Variants in SEMA6A observed in about 807,000 individuals in gnomAD.
SEMA6A encodes semaphorin 6A.
In SEMA6A, 25 loss-of-function variants were observed where a neutral mutation model predicts 96.8. The ratio of observed to expected loss-of-function variants is 0.26; its 90% CI spans 0.19 to 0.36. The LOEUF (loss-of-function observed/expected upper bound fraction) is 0.36, where lower values mean the gene tolerates loss of function less well. Among genes scored for constraint, SEMA6A ranks in the 10% least tolerant of loss-of-function variants. The pLI is 1.00. For synonymous variants in SEMA6A, 612 were observed against 518.0 expected, an observed-to-expected ratio of 1.18 and a Z score of -2.46; for missense variants, 1,363 against 1,323.1, an observed-to-expected ratio of 1.03 and a Z score of -0.47.
At chr5:116,518,329 A>G (rs1561512247) in intron 1 of SEMA6A, among the ~76,000 whole-genome samples, 1 of 152,234 alleles carries the variant, frequency 6.6e-6, no homozygotes, top group Non-Finnish European at 1.5e-5. Flanking sequence ...AATGGTTAAT[A>G]TCAGATAACT....
At chr5:116,478,927 AGAGTGTGT>A (rs1389483626) in intron 12 of SEMA6A, among the ~76,000 whole-genome samples, 2 of 90,102 alleles carry the variant, frequency 2.2e-5, no homozygotes, top group East Asian at 2.5e-4. Flanking sequence ...GAGGTGTGAG[AGAGTGTGT>A]GTGTGTGTGT....
At chr5:116,515,320 A>G (rs1182685294) in intron 1 of SEMA6A, among the ~76,000 whole-genome samples, 1 of 152,032 alleles carries the variant, frequency 6.6e-6, no homozygotes, top group Non-Finnish European at 1.5e-5. Flanking sequence ...TCTGATTACT[A>G]TTTTTTCTAA....
chr5:116,539,742 G>A (rs1217384634), intron 1 of SEMA6A, among the ~76,000 whole-genome samples: 1 of 152,012 alleles, frequency 6.6e-6, no homozygotes, highest in African/African-American at 2.4e-5. Context: ...TTCCATCAGT[G>A]GTGGAAATTA....
intron 17 of SEMA6A, among the ~76,000 whole-genome samples, chr5:116,470,409 A>G (rs892650763): frequency 8.5e-5 from 13 of 152,218 alleles, no homozygotes; most frequent in African/African-American, 2.7e-4. Context: ...CTTTTAATCA[A>G]TGGAGCTTAT....
chr5:116,519,422 A>G (rs1356291268), intron 1 of SEMA6A, among the ~76,000 whole-genome samples: 1 of 152,204 alleles, frequency 6.6e-6, no homozygotes, highest in African/African-American at 2.4e-5. Context: ...CATTGAAAGG[A>G]TGTTCCTTTG....
Position 116,461,220 on chromosome 5 carries a change from CA to C in SEMA6A, c.1894+6362del, listed in dbSNP as rs1338165145. ...TTCAAAAGAGTTTTTGGAACCGTCACAATCAATTCACTATCTCTTCGCGTTC... is the reference window on the plus strand; with the variant it reads ...TTCAAAAGAGTTTTTGGAACCGTCACATCAATTCACTATCTCTTCGCGTTC... On this transcript the variant is annotated intron_variant, in intron 18 of 18. Coordinates refer to ENST00000343348, the MANE Select transcript of SEMA6A (RefSeq NM_020796.5). Among the ~76,000 whole-genome samples, 167 of 152,216 alleles carry C rather than the reference CA, an allele frequency of 1.1e-3. 1 individual carries two copies. Among genetic ancestry groups the C allele is most frequent in the Admixed American group, 4.6e-4 (7 of 15,286 alleles).
chr5:116,486,458 G>A (rs1354880746), intron 10 of SEMA6A, among the ~76,000 whole-genome samples: 1 of 151,922 alleles, frequency 6.6e-6, no homozygotes, highest in Non-Finnish European at 1.5e-5. Flanking sequence ...CTAGTTTCTA[G>A]GATTACTAGA....
intron 13 of SEMA6A, 101 bp from the exon 14 acceptor site, chr5:116,478,255 C>CT: frequency 7.2e-7 from 1 of 1,390,600 alleles, no homozygotes; most frequent in Non-Finnish European, 9.8e-7. Flanking sequence ...ATCTCTTAAT[C>CT]TAACTGGCGG....
Position 116,497,406 on chromosome 5 carries a change from T to G in SEMA6A, c.219-19A>C, listed in dbSNP as rs1757652693. 1 of 1,480,686 alleles carries G rather than the reference T, an allele frequency of 6.8e-7. No homozygotes were observed. Among genetic ancestry groups the G allele is most frequent in the Middle Eastern group, 1.7e-4 (1 of 5,828 alleles). 91.7% of individuals were successfully genotyped at this position (1,480,686 alleles called of 1,614,324 possible). On this transcript the variant is annotated intron_variant, in intron 3 of 18. Coordinates refer to ENST00000343348, the MANE Select transcript of SEMA6A (RefSeq NM_020796.5). Reference sequence around the variant, plus strand: ...ATGGTCCCTATAGGCAAAGAAAAATTAATACAAGGTCAAACACAGAGTCAA... The same window carrying G: ...ATGGTCCCTATAGGCAAAGAAAAATGAATACAAGGTCAAACACAGAGTCAA...
chr5:116,458,139 GTC>G (rs1210810937), intron 18 of SEMA6A, among the ~76,000 whole-genome samples: 3 of 152,128 alleles, frequency 2.0e-5, no homozygotes, highest in African/African-American at 7.2e-5. Context: ...AGAAAGAAAG[GTC>G]TGAGACAAAG....
At chr5:116,541,423 G>A (rs1759959124) in intron 1 of SEMA6A, among the ~76,000 whole-genome samples, 2 of 151,450 alleles carry the variant, frequency 1.3e-5, no homozygotes, top group Admixed American at 1.3e-4. Context: ...ATACTAACAT[G>A]ACATAATAAA....
intron 12 of SEMA6A, among the ~76,000 whole-genome samples, chr5:116,479,547 G>A (rs941113675): frequency 2.0e-5 from 3 of 152,208 alleles, no homozygotes; most frequent in African/African-American, 7.2e-5. Context: ...TGGTACTTGG[G>A]AAAGCCTGTT....
chr5:116,523,897 C>G (rs766503552), intron 1 of SEMA6A, among the ~76,000 whole-genome samples: 10 of 152,186 alleles, frequency 6.6e-5, no homozygotes, highest in Admixed American at 3.3e-4. Flanking sequence ...CATTTCAATG[C>G]CTTCAGCCAC....
chr5:116,567,113 GCTC>G (rs1159260736), intron 1 of SEMA6A, among the ~76,000 whole-genome samples: 1 of 151,896 alleles, frequency 6.6e-6, no homozygotes, highest in Non-Finnish European at 1.5e-5. Flanking sequence ...TATCCCTTGG[GCTC>G]CTATTTGATA....
intron 18 of SEMA6A, among the ~76,000 whole-genome samples, chr5:116,454,362 T>G (rs1470850931): frequency 2.0e-5 from 3 of 152,176 alleles, no homozygotes; most frequent in African/African-American, 7.2e-5. Flanking sequence ...TACAATTTCC[T>G]TGAAATCCTC....
At position 116,444,576 on chromosome 5, in the gene SEMA6A, A is replaced by G. The variant is rs1486449207; in HGVS notation, c.*2037T>C. ...TCCTTTGTTCATGATAGAGTAAACA[A>G]AAGTCCCTTTTGTGTGCTTGAGCAA... On this transcript the variant is annotated 3_prime_UTR_variant, in exon 19 of 19. Transcript: ENST00000343348. 3.3e-5 allele frequency: 5 copies of G among 152,686 alleles called. No individual in the cohort carries two copies. The highest frequency in any genetic ancestry group is 7.3e-5 in the Non-Finnish European group (5 of 68,050). The allele number at this position is 152,686 out of a possible 1,614,324, so 9.5% of individuals were successfully genotyped here. A position where few individuals can be genotyped will look rare whatever the true frequency, so the allele number is the denominator to read the frequency against.
At chr5:116,490,518 A>C (rs1414828764) in intron 7 of SEMA6A, among the ~76,000 whole-genome samples, 1 of 152,188 alleles carries the variant, frequency 6.6e-6, no homozygotes, top group Non-Finnish European at 1.5e-5. Context: ...GAGTATGCTC[A>C]AGTACTCTTT....
At chr5:116,519,689 A>G (rs1021935653) in intron 1 of SEMA6A, among the ~76,000 whole-genome samples, 3 of 148,934 alleles carry the variant, frequency 2.0e-5, no homozygotes, top group East Asian at 1.9e-4. Context: ...ACACACACAC[A>G]CACGCACACA....
intron 1 of SEMA6A, among the ~76,000 whole-genome samples, chr5:116,566,387 A>G (rs1481320697): frequency 6.6e-6 from 1 of 152,230 alleles, no homozygotes; most frequent in Admixed American, 6.5e-5. Context: ...CTTCAAGTCT[A>G]AAGGCTGCAT....
Sources: gnomAD v4.1 joint callset for allele counts (sites outside exome capture counted in the v4.1 genomes callset) on GRCh38, gnomAD v4.1.1 for gene constraint, MANE v1.5 for transcripts, NCBI Gene and HGNC (gene_info 2026-07-23, HGNC 2026-07-21) for gene names.